The following GRXCR1 variants were observed in gnomAD, a reference collection of about 807,000 sequenced individuals.
GRXCR1 encodes the protein glutaredoxin domain-containing cysteine-rich protein 1.
GRXCR1 carries 27 observed loss-of-function variants against 27.3 expected under a neutral mutation model. That is an observed-to-expected ratio of 0.99 (90% CI 0.73 to 1.37). The LOEUF is 1.37. GRXCR1 is among the 40% of genes most tolerant of loss of function. The probability of loss-of-function intolerance (pLI) is 0.00; values close to 1 mark genes in which losing one functional copy is unlikely to be tolerated. For synonymous variants in GRXCR1, 122 were observed against 131.1 expected (o/e 0.93, Z 0.47); for missense variants, 379 against 354.4 (o/e 1.07, Z -0.56).
At chr4:43,004,547 C>A (rs1402399488) in intron 2 of GRXCR1, among the ~76,000 whole-genome samples, 1 of 152,268 alleles carries the variant, frequency 6.6e-6, no homozygotes, top group East Asian at 1.9e-4. Flanking sequence ...GGGGGGTAAC[C>A]CTGCAGAGTG....
chr4:42,899,829 A>C (rs1746424462), intron 1 of GRXCR1, among the ~76,000 whole-genome samples: 1 of 152,186 alleles, frequency 6.6e-6, no homozygotes, highest in Non-Finnish European at 1.5e-5. Flanking sequence ...GTATCATGAC[A>C]TTTTAAACTG....
Position 42,893,440 on chromosome 4 carries a change from C to A in GRXCR1, c.174C>A (p.Ser58=), listed in dbSNP as rs748388182. 6 of 1,613,532 alleles carry A rather than the reference C, an allele frequency of 3.7e-6. No individual in the cohort carries two copies. Among genetic ancestry groups the A allele is most frequent in the African/African-American group, 1.3e-5 (1 of 74,824 alleles). ...SICGIDGLGD[S]DGQQNGHIES... The stretch of plus-strand genomic sequence containing the variant: ...GTGGGATAGATGGACTAGGTGATTC[C>A]GATGGACAGCAGAATGGCCACATAG... The change falls in exon 1 of 4, where the codon TCC becomes TCA. Residue 58 remains serine, a synonymous_variant. Transcript: ENST00000399770.
chr4:43,018,848 A>G (rs762398955), intron 2 of GRXCR1, among the ~76,000 whole-genome samples: 8 of 152,142 alleles, frequency 5.3e-5, no homozygotes, highest in Non-Finnish European at 1.0e-4. Flanking sequence ...TGGTGCTTTC[A>G]TTACCTTTGT....
chr4:42,908,188 G>T (rs1746640084), intron 1 of GRXCR1, among the ~76,000 whole-genome samples: 2 of 152,156 alleles, frequency 1.3e-5, no homozygotes, highest in African/African-American at 4.8e-5. Context: ...CTCTGAACCT[G>T]CTTGAGCCTG....
intron 2 of GRXCR1, among the ~76,000 whole-genome samples, chr4:43,004,559 CA>C (rs1468820014): frequency 6.6e-6 from 1 of 152,206 alleles, no homozygotes; most frequent in Non-Finnish European, 1.5e-5. Context: ...TGCAGAGTGA[CA>C]GGGGTGGAAC....
At chr4:42,961,214 T>G (rs1748123831) in intron 1 of GRXCR1, among the ~76,000 whole-genome samples, 1 of 151,996 alleles carries the variant, frequency 6.6e-6, no homozygotes, top group Non-Finnish European at 1.5e-5. Context: ...TATTCCATGG[T>G]GCATATGTAC....
At chr4:43,028,445 T>C (rs572981986) in intron 3 of GRXCR1, among the ~76,000 whole-genome samples, 1 of 152,334 alleles carries the variant, frequency 6.6e-6, no homozygotes, top group African/African-American at 2.4e-5. Context: ...CTAGCAGTAA[T>C]GAGTAAAGGG....
At chr4:42,931,062 T>C (rs910924516) in intron 1 of GRXCR1, among the ~76,000 whole-genome samples, 4 of 151,636 alleles carry the variant, frequency 2.6e-5, no homozygotes, top group African/African-American at 9.7e-5. Context: ...AATAAAGCTT[T>C]TTTTTTTCCC....
At chr4:42,976,226 G>C (rs1052519803) in intron 2 of GRXCR1, among the ~76,000 whole-genome samples, 1 of 151,980 alleles carries the variant, frequency 6.6e-6, no homozygotes, top group African/African-American at 2.4e-5. Flanking sequence ...GTTTATTGGT[G>C]ACCTGGTCAC....
At chr4:42,963,554 A>G (rs1272482454) in intron 2 of GRXCR1, among the ~76,000 whole-genome samples, 8 of 151,930 alleles carry the variant, frequency 5.3e-5, no homozygotes, top group Non-Finnish European at 1.0e-4. Flanking sequence ...TAGTCCTGAA[A>G]TGAAATCAAT....
intron 1 of GRXCR1, among the ~76,000 whole-genome samples, chr4:42,956,451 G>GA (rs1201678420): frequency 6.6e-6 from 1 of 150,470 alleles, no homozygotes; most frequent in Non-Finnish European, 1.5e-5. Context: ...AGAAGAGGAG[G>GA]ATTTTTTTTT....
chr4:43,009,729 C>A (rs375868932), intron 2 of GRXCR1, among the ~76,000 whole-genome samples: 1 of 152,026 alleles, frequency 6.6e-6, no homozygotes, highest in East Asian at 1.9e-4. Context: ...TTCCTCAGGG[C>A]TCTGCCTTCA....
At chr4:43,013,607 C>A (rs1386606500) in intron 2 of GRXCR1, among the ~76,000 whole-genome samples, 1 of 152,074 alleles carries the variant, frequency 6.6e-6, no homozygotes, top group Non-Finnish European at 1.5e-5. Flanking sequence ...AACAAACCTG[C>A]ACATGTACCC....
intron 1 of GRXCR1, among the ~76,000 whole-genome samples, chr4:42,946,649 T>C (rs1747750866): frequency 6.6e-6 from 1 of 152,168 alleles, no homozygotes; most frequent in South Asian, 2.1e-4. Context: ...GATGGGAACT[T>C]TTTGCTGTAT....
In GRXCR1 at chr4:42,893,568, GC is replaced by G; in HGVS notation, c.303del (p.Ser101ArgfsTer13). 6.2e-7 allele frequency: 1 copy of G among 1,613,762 alleles called. No homozygotes were observed. The highest frequency in any genetic ancestry group is 8.5e-7 in the Non-Finnish European group (1 of 1,179,780). On this transcript the variant is annotated frameshift_variant, in exon 1 of 4. Transcript: ENST00000399770. LOFTEE classifies it high-confidence loss of function. ...GGTACAAGAAGAGTCAACATTTTAA[GC>G]AAAAATGGCACAGTCAGAGGCGTCA... The part of the protein sequence containing the change: ...GFGTRRVNIL[S>X]KNGTVRGVKY...
chr4:42,959,595 C>T (rs949982387), intron 1 of GRXCR1, among the ~76,000 whole-genome samples: 8 of 151,892 alleles, frequency 5.3e-5, no homozygotes, highest in Admixed American at 5.3e-4. Context: ...TATTAATTTG[C>T]TTGACTGCAG....
chr4:42,989,825 G>A (rs1711905008), intron 2 of GRXCR1, among the ~76,000 whole-genome samples: 1 of 151,914 alleles, frequency 6.6e-6, no homozygotes, highest in Admixed American at 6.6e-5. Flanking sequence ...GTCTCTTATG[G>A]TATTATCTCC....
At position 42,908,107 on chromosome 4, in the gene GRXCR1, GTGGCAGGTCTGCATGGCATGATGCC is replaced by G. The variant is rs1249946039; in HGVS notation, c.384+14465_384+14489del. Among the ~76,000 whole-genome samples, 8 of 152,296 alleles carry G rather than the reference GTGGCAGGTCTGCATGGCATGATGCC, an allele frequency of 5.3e-5. No individual in the cohort carries two copies. In the East Asian group the frequency reaches 1.5e-3, roughly 29 times the overall value. On this transcript the variant is annotated intron_variant, in intron 1 of 3. Transcript: ENST00000399770. ...AGATGCTACTCTAAAGCTCTAGCAG[GTGGCAGGTCTGCATGGCATGATGCC>G]TGGCAGGGCCAGTGTTCCTTCCTGT...
At chr4:42,933,991 G>T (rs1445559200) in intron 1 of GRXCR1, among the ~76,000 whole-genome samples, 1 of 151,884 alleles carries the variant, frequency 6.6e-6, no homozygotes, top group Non-Finnish European at 1.5e-5. Context: ...GATGCAGGCA[G>T]AACCTGGAGC....
Sources: allele counts gnomAD v4.1 joint callset (sites outside exome capture counted in the v4.1 genomes callset), GRCh38; gene constraint gnomAD v4.1.1; transcripts MANE v1.5; gene names NCBI Gene and HGNC (gene_info 2026-07-23, HGNC 2026-07-21).